Variants in SCRG1 observed in about 807,000 individuals in gnomAD.
The protein encoded by SCRG1 is scrapie-responsive protein 1.
Under a neutral mutation model 7.7 loss-of-function variants are expected in SCRG1, and 3 were observed. That is an observed-to-expected ratio of 0.39 (90% CI 0.18 to 1.01). The LOEUF (loss-of-function observed/expected upper bound fraction) is 1.01, where lower values mean the gene tolerates loss of function less well. Among genes scored for constraint, SCRG1 ranks in the 50% least tolerant of loss-of-function variants. The probability of loss-of-function intolerance (pLI) is 0.36; values close to 1 mark genes in which losing one functional copy is unlikely to be tolerated. For missense variants in SCRG1, 110 were observed against 117.2 expected (o/e 0.94, Z 0.28); for synonymous variants, 46 against 41.2 (o/e 1.12, Z -0.44).
At chr4:173,497,793 C>A in the SCRG1 span, among the ~76,000 whole-genome samples, 1 of 151,598 alleles carries the variant, frequency 6.6e-6, no homozygotes, top group Non-Finnish European at 1.5e-5. Flanking sequence ...GCCTTAGCCT[C>A]CTGAGTAGCT....
chr4:173,417,302 T>C, the SCRG1 span, among the ~76,000 whole-genome samples: 1 of 152,182 alleles, frequency 6.6e-6, no homozygotes, highest in African/African-American at 2.4e-5. Context: ...GAAGGAACCT[T>C]AGAGATCATT....
the SCRG1 span, among the ~76,000 whole-genome samples, chr4:173,510,114 C>T: frequency 6.6e-6 from 1 of 152,076 alleles, no homozygotes; most frequent in Non-Finnish European, 1.5e-5. The surrounding 1 kb of genome is among the most constrained non-coding windows in gnomAD (Gnocchi z 5.7). Flanking sequence ...ATCCTAATGG[C>T]GTTTCAGGGC....
At chr4:173,482,915 T>C in the SCRG1 span, among the ~76,000 whole-genome samples, 1 of 139,202 alleles carries the variant, frequency 7.2e-6, no homozygotes, top group Non-Finnish European at 1.5e-5. Context: ...ATTAAATATA[T>C]AATACATATA....
the SCRG1 span, among the ~76,000 whole-genome samples, chr4:173,429,690 T>C: frequency 6.6e-6 from 1 of 152,164 alleles, no homozygotes; most frequent in African/African-American, 2.4e-5. Flanking sequence ...AGGCACATAA[T>C]TGCACAAATT....
chr4:173,423,228 C>T, the SCRG1 span, among the ~76,000 whole-genome samples: 1 of 152,158 alleles, frequency 6.6e-6, no homozygotes, highest in African/African-American at 2.4e-5. Flanking sequence ...GTTGATTTAT[C>T]ACCAATAGTG....
chr4:173,482,998 T>A, the SCRG1 span, among the ~76,000 whole-genome samples: 2 of 131,530 alleles, frequency 1.5e-5, no homozygotes, highest in Non-Finnish European at 3.1e-5. Flanking sequence ...ATATATTTCA[T>A]ATGTATAATA....
At chr4:173,505,618 A>G in the SCRG1 span, among the ~76,000 whole-genome samples, 1 of 151,582 alleles carries the variant, frequency 6.6e-6, no homozygotes, top group Non-Finnish European at 1.5e-5. This position sits in a 1 kb window ranked among gnomAD's most constrained non-coding sequence, Gnocchi z 4.4. Context: ...AGGCCCGAAC[A>G]CTCCTTTCTT....
At chr4:173,432,238 C>A in the SCRG1 span, among the ~76,000 whole-genome samples, 9 of 137,576 alleles carry the variant, frequency 6.5e-5, no homozygotes. Context: ...GTCCTTCTTT[C>A]CTTTCTTCCT....
the SCRG1 span, chr4:173,469,858 A>G: frequency 1.3e-5 from 2 of 152,296 alleles, no homozygotes; most frequent in East Asian, 3.9e-4. Flanking sequence ...GCTCAAGGTT[A>G]CTTATTCCAC....
the SCRG1 span, among the ~76,000 whole-genome samples, chr4:173,421,536 G>A: frequency 1.3e-5 from 2 of 152,198 alleles, no homozygotes; most frequent in Non-Finnish European, 2.9e-5. Context: ...ACAAGACACT[G>A]AAAGGTGGGC....
At chr4:173,440,253 T>C in the SCRG1 span, among the ~76,000 whole-genome samples, 1 of 152,206 alleles carries the variant, frequency 6.6e-6, no homozygotes, top group Non-Finnish European at 1.5e-5. Context: ...AGGTTTTTCA[T>C]TTACTAAAGG....
At chr4:173,477,203 C>T in the SCRG1 span, among the ~76,000 whole-genome samples, 1 of 152,122 alleles carries the variant, frequency 6.6e-6, no homozygotes, top group Non-Finnish European at 1.5e-5. Flanking sequence ...TCACTTATCT[C>T]GTGTCTCATA....
the SCRG1 span, among the ~76,000 whole-genome samples, chr4:173,485,254 G>T: frequency 2.4e-5 from 1 of 40,994 alleles, no homozygotes; most frequent in African/African-American, 6.5e-5. Context: ...AGGCAAAAAT[G>T]ATGTCATGTG....
At chr4:173,445,881 G>T in the SCRG1 span, among the ~76,000 whole-genome samples, 1 of 151,856 alleles carries the variant, frequency 6.6e-6, no homozygotes, top group Non-Finnish European at 1.5e-5. Context: ...GGCCAGGCTG[G>T]TCTCGAACTC....
At chr4:173,413,655 T>A in the SCRG1 span, among the ~76,000 whole-genome samples, 1 of 152,146 alleles carries the variant, frequency 6.6e-6, no homozygotes, top group Non-Finnish European at 1.5e-5. Context: ...ACTGAATAGA[T>A]TACAGGCAGC....
At chr4:173,421,422 G>A in the SCRG1 span, among the ~76,000 whole-genome samples, 1 of 151,624 alleles carries the variant, frequency 6.6e-6, no homozygotes, top group Non-Finnish European at 1.5e-5. Context: ...TTGTTGGGGG[G>A]GGGTTGATTT....
chr4:173,451,649 T>TATTC, the SCRG1 span, among the ~76,000 whole-genome samples: 4 of 142,870 alleles, frequency 2.8e-5, no homozygotes, highest in African/African-American at 1.0e-4. Flanking sequence ...TTTATTTATT[T>TATTC]ATTTATTTAT....
the SCRG1 span, among the ~76,000 whole-genome samples, chr4:173,414,368 G>A: frequency 6.6e-6 from 1 of 152,174 alleles, no homozygotes; most frequent in Non-Finnish European, 1.5e-5. Flanking sequence ...GAGTCTCATA[G>A]CCCTGAACCT....
the SCRG1 span, among the ~76,000 whole-genome samples, chr4:173,413,003 G>T: frequency 1.1e-4 from 16 of 152,030 alleles, 1 homozygote; most frequent in South Asian, 2.7e-3. Flanking sequence ...TAATTCTTAA[G>T]AAATTCATAT....
Sources: gnomAD v4.1 joint callset for allele counts (sites outside exome capture counted in the v4.1 genomes callset) on GRCh38, gnomAD v4.1.1 for gene constraint, Gnocchi (gnomAD v3.1) non-coding constraint, MANE v1.5 for transcripts, NCBI Gene and HGNC (gene_info 2026-07-23, HGNC 2026-07-21) for gene names.